Variants in PTPRT observed in about 807,000 individuals in gnomAD.
PTPRT encodes protein tyrosine phosphatase receptor type T, also known as receptor-type tyrosine-protein phosphatase T.
PTPRT carries 56 observed loss-of-function variants against 176.8 expected under a neutral mutation model. That is an observed-to-expected ratio of 0.32 (90% CI 0.26 to 0.40). The LOEUF (loss-of-function observed/expected upper bound fraction) is 0.40. Among genes scored for constraint, PTPRT ranks in the 10% least tolerant of loss-of-function variants. The pLI, the probability that PTPRT is intolerant of heterozygous loss-of-function variation, is 1.00. For synonymous variants in PTPRT, 783 were observed against 739.0 expected (o/e 1.06, Z -0.96); for missense variants, 1,540 against 1,908.2 (o/e 0.81, Z 3.60).
In PTPRT at chr20:43,088,333, G is replaced by GGTGTGT. The variant is rs67837016; in HGVS notation, c.88+101307_88+101312dup. Among the ~76,000 whole-genome samples, 968 of 142,834 alleles carry GGTGTGT rather than the reference G, an allele frequency of 6.8e-3. 6 individuals are homozygous for GGTGTGT. The highest frequency in any genetic ancestry group is 9.8e-3 in the Non-Finnish European group (640 of 65,424). The allele number at this position is 142,834 out of a possible 152,430, so 93.7% of individuals were successfully genotyped here. On this transcript the variant is annotated intron_variant, in intron 1 of 30. Transcript: ENST00000373187. The stretch of plus-strand genomic sequence containing the variant: ...TGTGTTAGGTTTTGTTTTGCTTTGG[G>GGTGTGT]GTGTGTGTGTGTGTGTGTGTGTGTG...
At chr20:43,168,804 T>C (rs1311658537) in intron 1 of PTPRT, among the ~76,000 whole-genome samples, 1 of 152,148 alleles carries the variant, frequency 6.6e-6, no homozygotes, top group Non-Finnish European at 1.5e-5. Flanking sequence ...CACCGTGCCT[T>C]CATTCAACCT....
chr20:42,249,971 C>A (rs566863504), intron 13 of PTPRT, among the ~76,000 whole-genome samples: 1 of 152,302 alleles, frequency 6.6e-6, no homozygotes, highest in African/African-American at 2.4e-5. Flanking sequence ...TCCAAACCAT[C>A]CTCTTCCTAA....
intron 2 of PTPRT, among the ~76,000 whole-genome samples, chr20:42,867,486 T>G (rs2078767891): frequency 7.1e-6 from 1 of 141,106 alleles, no homozygotes; most frequent in Non-Finnish European, 1.5e-5. Context: ...CCTCCTAAGC[T>G]CACCCACATA....
intron 1 of PTPRT, among the ~76,000 whole-genome samples, chr20:43,054,631 C>A (rs1987168003): frequency 6.6e-6 from 1 of 150,706 alleles, no homozygotes; most frequent in Non-Finnish European, 1.5e-5. Context: ...AGCTTTTAGG[C>A]TTTTTCCTTC....
intron 1 of PTPRT, among the ~76,000 whole-genome samples, chr20:43,039,156 A>T (rs927054): frequency 2.6e-5 from 4 of 152,006 alleles, no homozygotes; most frequent in African/African-American, 9.7e-5. Context: ...AGTACTGGGG[A>T]AATAATCCTC....
intron 9 of PTPRT, among the ~76,000 whole-genome samples, chr20:42,389,227 T>G (rs1482300303): frequency 6.6e-6 from 1 of 151,854 alleles, no homozygotes; most frequent in African/African-American, 2.4e-5. Context: ...TATACATATG[T>G]AACTAACCTG....
intron 7 of PTPRT, among the ~76,000 whole-genome samples, chr20:42,655,757 T>C (rs192901921): frequency 4.2e-4 from 64 of 152,276 alleles, no homozygotes; most frequent in African/African-American, 1.5e-3. Flanking sequence ...GCAAACAGTA[T>C]GATGTTTACC....
chr20:43,129,669 A>AGTG (rs2013579915), intron 1 of PTPRT, among the ~76,000 whole-genome samples: 1 of 116,910 alleles, frequency 8.6e-6, no homozygotes, highest in Non-Finnish European at 1.6e-5. Flanking sequence ...CCCAGGCTGG[A>AGTG]GTGCAGTGGC....
chr20:42,204,649 GCTCT>G (rs1304544060), intron 15 of PTPRT, among the ~76,000 whole-genome samples: 1 of 152,186 alleles, frequency 6.6e-6, no homozygotes, highest in African/African-American at 2.4e-5. Context: ...ATCACTTTGA[GCTCT>G]CTCTGACCTT....
intron 2 of PTPRT, among the ~76,000 whole-genome samples, chr20:42,852,211 T>C (rs1481935418): frequency 2.6e-5 from 4 of 152,174 alleles, no homozygotes; most frequent in Non-Finnish European, 5.9e-5. Flanking sequence ...AAAACATAAA[T>C]ATGTAATCAC....
intron 7 of PTPRT, among the ~76,000 whole-genome samples, chr20:42,529,205 G>A (rs879932940): frequency 8.5e-5 from 13 of 152,190 alleles, no homozygotes; most frequent in Non-Finnish European, 1.5e-4. Context: ...CAAAAATGGT[G>A]TAGGGAATAT....
intron 9 of PTPRT, among the ~76,000 whole-genome samples, chr20:42,430,007 G>A (rs895330268): frequency 3.9e-5 from 6 of 152,224 alleles, no homozygotes; most frequent in African/African-American, 1.4e-4. Context: ...TTAAAGAGGA[G>A]GTTAGGTTTT....
Position 42,857,937 on chromosome 20 carries a change from C to A in PTPRT, c.214+27870G>T, listed in dbSNP as rs113807445. On this transcript the variant is annotated intron_variant, in intron 2 of 30. Transcript: ENST00000373187. Reference sequence around the variant, plus strand: ...TGCCCCCTTTTTACTTTTTCTGTTTCTGTTTATGTTTATCATCTATCTCTC... The same window carrying A: ...TGCCCCCTTTTTACTTTTTCTGTTTATGTTTATGTTTATCATCTATCTCTC... Among the ~76,000 whole-genome samples the A allele has an allele frequency of 2.5e-3, 375 of 152,258 alleles. 3 individuals are homozygous for A. The highest frequency in any genetic ancestry group is 8.4e-3 in the African/African-American group (347 of 41,556).
In PTPRT at chr20:43,189,615, G is replaced by T; in HGVS notation, c.88+31C>A. The T allele has an allele frequency of 1.6e-6, 2 of 1,222,732 alleles. No individual in the cohort carries two copies. The highest frequency in any genetic ancestry group is 2.0e-6 in the Non-Finnish European group (2 of 977,666). 75.7% of individuals were successfully genotyped at this position (1,222,732 alleles called of 1,614,324 possible). ...CCGCGCGCATCCAGGAGGGAGCGGG[G>T]AGCCCAGGGGAGCCGGGCGGGCGCA... On this transcript the variant is annotated intron_variant, in intron 1 of 30. Transcript: ENST00000373187. The surrounding 1 kb of genome is among the most constrained non-coding windows in gnomAD (Gnocchi z 5.0).
At chr20:42,328,105 T>C (rs1043049395) in intron 11 of PTPRT, among the ~76,000 whole-genome samples, 89 of 152,248 alleles carry the variant, frequency 5.8e-4, no homozygotes, top group African/African-American at 2.1e-3. Context: ...GCCTTATAAG[T>C]AATTCTCATA....
chr20:43,124,302 C>T (rs568660935), intron 1 of PTPRT, among the ~76,000 whole-genome samples: 2 of 152,296 alleles, frequency 1.3e-5, no homozygotes, highest in South Asian at 2.1e-4. Context: ...AATTTCACAA[C>T]CGAGCTTTGT....
chr20:42,977,443 C>A (rs558052744), intron 1 of PTPRT, among the ~76,000 whole-genome samples: 1 of 152,092 alleles, frequency 6.6e-6, no homozygotes, highest in African/African-American at 2.4e-5. Context: ...TCACTTATTA[C>A]ACTTTCCAAT....
At chr20:42,268,873 A>G (rs1323125142) in intron 13 of PTPRT, among the ~76,000 whole-genome samples, 4 of 151,832 alleles carry the variant, frequency 2.6e-5, no homozygotes, top group Admixed American at 2.0e-4. Flanking sequence ...GGGTGTGACT[A>G]CTCTCCAGCT....
chr20:42,653,388 TAC>T (rs1364162116), intron 7 of PTPRT, among the ~76,000 whole-genome samples: 2 of 152,226 alleles, frequency 1.3e-5, no homozygotes, highest in African/African-American at 4.8e-5. Context: ...AACAGACTAA[TAC>T]ACACACCTTC....
Sources: gnomAD v4.1 joint callset for allele counts (sites outside exome capture counted in the v4.1 genomes callset) on GRCh38, gnomAD v4.1.1 for gene constraint, Gnocchi (gnomAD v3.1) non-coding constraint, MANE v1.5 for transcripts, NCBI Gene and HGNC (gene_info 2026-07-23, HGNC 2026-07-21) for gene names.